KLHL1: variants seen among roughly 807,000 people sequenced by gnomAD.
The protein encoded by KLHL1 is kelch like family member 1, also known as kelch-like protein 1.
KLHL1 carries 47 observed loss-of-function variants against 77.7 expected under a neutral mutation model. That is an observed-to-expected ratio of 0.60 (90% confidence interval 0.48 to 0.77). The LOEUF (loss-of-function observed/expected upper bound fraction) is 0.77, where lower values mean the gene tolerates loss of function less well. Ranked by LOEUF, KLHL1 falls within the 30% of genes least tolerant of loss-of-function variation. KLHL1 has a pLI of 0.00. For synonymous variants in KLHL1, 360 were observed against 325.2 expected (o/e 1.11, Z -1.15); for missense variants, 925 against 910.8 (o/e 1.02, Z -0.20).
rs527637416 is a variant in KLHL1 at position 69,944,520 on chromosome 13, G to A, written c.818-4284C>T. ...ATCCCAGTTCATCACTGAACGGGGC[G>A]TTAGTCTTGGGGATCACCCAACATA... On this transcript the variant is annotated intron_variant, in intron 3 of 10. Transcript: ENST00000377844. Among the ~76,000 whole-genome samples the A allele has an allele frequency of 4.6e-5, 7 of 152,174 alleles. No homozygotes were observed. In the East Asian group the frequency reaches 7.7e-4, roughly 17 times the overall value.
At position 70,107,173 on chromosome 13, in the gene KLHL1, G is replaced by A. The variant is rs9564649; in HGVS notation, c.497+30C>T. The A allele has an allele frequency of 0.23, 358,449 of 1,547,476 alleles. 42,345 individuals carry two copies. Among genetic ancestry groups the A allele is most frequent in the Admixed American group, 0.3 (14,920 of 50,468 alleles). ...GTGAAATGAGTGGAAATTGAGAGAT[G>A]CTTGGAAGCCCCGTGGGGACTTACT... On this transcript the variant is annotated intron_variant, in intron 1 of 10. Coordinates refer to ENST00000377844, the MANE Select transcript of KLHL1 (RefSeq NM_020866.3).
chr13:69,980,667 G>A (rs983983458), intron 1 of KLHL1, among the ~76,000 whole-genome samples: 2 of 151,982 alleles, frequency 1.3e-5, no homozygotes, highest in African/African-American at 2.4e-5. Context: ...TTTTTTCAGC[G>A]AATTGTTTTT....
In KLHL1 at chr13:69,887,777, A is replaced by G. The variant is rs1330102054; in HGVS notation, c.1015-5282T>C. Among the ~76,000 whole-genome samples, 6 of 152,128 alleles carry G rather than the reference A, an allele frequency of 3.9e-5. No individual in the cohort carries two copies. In the East Asian group the frequency reaches 1.2e-3, roughly 29 times the overall value. Reference sequence around the variant, plus strand: ...ATCACAATGACTTAGGTAATCTGAGACTTTCTCTGCTGCTCTCTTCTGAAG... The same window carrying G: ...ATCACAATGACTTAGGTAATCTGAGGCTTTCTCTGCTGCTCTCTTCTGAAG... On this transcript the variant is annotated intron_variant, in intron 4 of 10. Transcript: ENST00000377844.
chr13:69,747,848 T>C (rs1874284953), intron 7 of KLHL1, among the ~76,000 whole-genome samples: 1 of 151,954 alleles, frequency 6.6e-6, no homozygotes, highest in African/African-American at 2.4e-5. Flanking sequence ...AGTGAAAATA[T>C]TGTAATCTAG....
intron 9 of KLHL1, among the ~76,000 whole-genome samples, chr13:69,713,527 AT>A (rs1463354403): frequency 6.6e-6 from 1 of 152,094 alleles, no homozygotes; most frequent in African/African-American, 2.4e-5. Context: ...TCAGATATTC[AT>A]TTAATTGTCA....
At chr13:70,020,693 T>A (rs144492836) in intron 1 of KLHL1, among the ~76,000 whole-genome samples, 109 of 152,160 alleles carry the variant, frequency 7.2e-4, no homozygotes, top group African/African-American at 2.5e-3. Context: ...GTCGGCTGAA[T>A]GCATTAAGTG....
At chr13:69,978,026 C>G (rs1013110840) in intron 1 of KLHL1, among the ~76,000 whole-genome samples, 8 of 152,004 alleles carry the variant, frequency 5.3e-5, no homozygotes, top group African/African-American at 1.9e-4. Context: ...GAAATTAATA[C>G]AAATTTTGCT....
intron 5 of KLHL1, among the ~76,000 whole-genome samples, chr13:69,845,750 C>A (rs1224144119): frequency 6.6e-6 from 1 of 151,132 alleles, no homozygotes; most frequent in Non-Finnish European, 1.5e-5. Context: ...AGGTAATGAA[C>A]AAAATATCTT....
intron 1 of KLHL1, among the ~76,000 whole-genome samples, chr13:70,049,973 TAATA>T (rs1375978601): frequency 6.6e-6 from 1 of 151,890 alleles, no homozygotes; most frequent in African/African-American, 2.4e-5. Flanking sequence ...TGAATCAGAC[TAATA>T]GATAATTTAT....
At chr13:69,756,630 T>C (rs1274788804) in intron 7 of KLHL1, among the ~76,000 whole-genome samples, 3 of 152,176 alleles carry the variant, frequency 2.0e-5, no homozygotes, top group Admixed American at 6.6e-5. Context: ...TTCAATATGC[T>C]AAATTAACAT....
chr13:69,852,776 A>G (rs890625717), intron 5 of KLHL1, among the ~76,000 whole-genome samples: 1 of 152,024 alleles, frequency 6.6e-6, no homozygotes, highest in Non-Finnish European at 1.5e-5. Flanking sequence ...AAGTAAAGAA[A>G]ATTCCACTGG....
chr13:69,853,270 G>A (rs1338962380), intron 5 of KLHL1, among the ~76,000 whole-genome samples: 1 of 151,950 alleles, frequency 6.6e-6, no homozygotes, highest in Non-Finnish European at 1.5e-5. Flanking sequence ...CCCTCATGCT[G>A]TTCTCCTGAT....
chr13:69,922,129 T>C (rs562273692), intron 4 of KLHL1, among the ~76,000 whole-genome samples: 4 of 152,080 alleles, frequency 2.6e-5, no homozygotes, highest in South Asian at 2.1e-4. Flanking sequence ...TTTTTTTTAA[T>C]ATAAAGAATA....
intron 5 of KLHL1, among the ~76,000 whole-genome samples, chr13:69,853,568 T>A (rs1056838906): frequency 6.6e-6 from 1 of 152,052 alleles, no homozygotes; most frequent in Non-Finnish European, 1.5e-5. Context: ...TGGACTTGCA[T>A]ATCAGTAGAA....
intron 1 of KLHL1, among the ~76,000 whole-genome samples, chr13:70,046,213 G>A (rs1340245728): frequency 6.6e-6 from 1 of 151,578 alleles, no homozygotes; most frequent in Non-Finnish European, 1.5e-5. Flanking sequence ...TGGAGCATAA[G>A]TGTGAGAAAA....
At chr13:70,012,275 T>C (rs1593672784) in intron 1 of KLHL1, among the ~76,000 whole-genome samples, 1 of 152,326 alleles carries the variant, frequency 6.6e-6, no homozygotes, top group South Asian at 2.1e-4. Flanking sequence ...TTATTTTTAT[T>C]GCTTCAAGTT....
At chr13:70,100,913 G>T (rs1887908637) in intron 1 of KLHL1, among the ~76,000 whole-genome samples, 1 of 152,074 alleles carries the variant, frequency 6.6e-6, no homozygotes, top group South Asian at 2.1e-4. Context: ...TTAAAATGCT[G>T]CCCGTTTTTA....
chr13:69,827,700 C>T (rs1253692399), intron 6 of KLHL1, among the ~76,000 whole-genome samples: 3 of 142,060 alleles, frequency 2.1e-5, no homozygotes, highest in African/African-American at 8.0e-5. Flanking sequence ...CACTGCACTC[C>T]AGCCTGGCGA....
chr13:69,736,940 G>A (rs1442573878), intron 8 of KLHL1, among the ~76,000 whole-genome samples: 7 of 152,102 alleles, frequency 4.6e-5, no homozygotes, highest in African/African-American at 1.7e-4. Flanking sequence ...TCGGCTCCCA[G>A]TGAGAAGGAA....
Sources: allele counts gnomAD v4.1 joint callset (sites outside exome capture counted in the v4.1 genomes callset), GRCh38; gene constraint gnomAD v4.1.1; transcripts MANE v1.5; gene names NCBI Gene and HGNC (gene_info 2026-07-23, HGNC 2026-07-21).